The following DPP6 variants were observed in gnomAD, a reference collection of about 807,000 sequenced individuals.
DPP6 encodes the protein A-type potassium channel modulatory protein DPP6.
A neutral mutation model predicts 122.6 loss-of-function variants in DPP6; 69 were observed. The ratio of observed to expected loss-of-function variants is 0.56; its 90% confidence interval spans 0.46 to 0.69. The LOEUF (loss-of-function observed/expected upper bound fraction) is 0.69, where lower values mean the gene tolerates loss of function less well. DPP6 is among the 30% of genes least tolerant of loss of function. The pLI, the probability that DPP6 is intolerant of heterozygous loss-of-function variation, is 0.00. For synonymous variants in DPP6, 418 were observed against 433.1 expected (o/e 0.97, Z 0.43); for missense variants, 928 against 1,116.9 (o/e 0.83, Z 2.41).
At chr7:153,997,615 A>ACACC (rs746274212) in intron 1 of DPP6, among the ~76,000 whole-genome samples, 1 of 149,390 alleles carries the variant, frequency 6.7e-6, no homozygotes, top group Admixed American at 6.7e-5. Flanking sequence ...ACACACACAC[A>ACACC]CCTGTTTTGT....
At chr7:154,564,627 G>T (rs1295926588) in intron 4 of DPP6, among the ~76,000 whole-genome samples, 1 of 152,140 alleles carries the variant, frequency 6.6e-6, no homozygotes, top group African/African-American at 2.4e-5. Flanking sequence ...TATCAACAAA[G>T]ACATAGATTG....
At chr7:154,627,975 C>A (rs1039129492) in intron 5 of DPP6, among the ~76,000 whole-genome samples, 1 of 152,194 alleles carries the variant, frequency 6.6e-6, no homozygotes, top group Non-Finnish European at 1.5e-5. Context: ...ATGGTTCAGG[C>A]AGCTGTAGCC....
intron 5 of DPP6, 55 bp from the exon 6 acceptor site, chr7:154,637,766 C>A: frequency 6.6e-7 from 1 of 1,512,670 alleles, no homozygotes; most frequent in East Asian, 2.5e-5. Context: ...TGAAAAATAT[C>A]ATCGTAACAG....
rs1254833898 is a variant in DPP6 at position 154,061,813 on chromosome 7, C to T, written c.243+8750C>T. On this transcript the variant is annotated intron_variant, in intron 1 of 25. Transcript: ENST00000377770. ...CCCCTCGCGACGCGGGGACTGAGAG[C>T]GAGCCCCTCTTCCCCCCTTTGCTCT... is the stretch of plus-strand genomic sequence containing the variant. Among the ~76,000 whole-genome samples, 414 of 120,346 alleles carry T rather than the reference C, an allele frequency of 3.4e-3. 2 individuals are homozygous for T. Among genetic ancestry groups the T allele is most frequent in the South Asian group, 4.9e-3 (17 of 3,444 alleles). 79.0% of individuals were successfully genotyped at this position (120,346 alleles called of 152,430 possible).
intron 1 of DPP6, among the ~76,000 whole-genome samples, chr7:154,216,840 T>G (rs1386242438): frequency 6.6e-4 from 99 of 150,988 alleles, no homozygotes; most frequent in African/African-American, 1.8e-3. Flanking sequence ...GTTGTTTTTT[T>G]TTTTTTTTTT....
chr7:154,481,629 C>T lies in DPP6; in HGVS notation c.457+6592C>T, dbSNP rs1675604677. Among the ~76,000 whole-genome samples the T allele has an allele frequency of 6.6e-6, 1 of 152,120 alleles. No individual in the cohort carries two copies. The highest frequency in any genetic ancestry group is 6.5e-5 in the Admixed American group (1 of 15,274). ...TCTTAAACTTTGCCTACGTGAACTT[C>T]TTTGGATTGCTTCAGAAGTCCATCT... is the stretch of plus-strand genomic sequence containing the variant. On this transcript the variant is annotated intron_variant, in intron 3 of 25. Transcript: ENST00000377770. The surrounding 1 kb of genome is among the most constrained non-coding windows in gnomAD (Gnocchi z 4.2).
chr7:154,546,093 G>T (rs1170964076), intron 4 of DPP6, among the ~76,000 whole-genome samples: 1 of 151,878 alleles, frequency 6.6e-6, no homozygotes, highest in Admixed American at 6.6e-5. Context: ...TTGAAACTAG[G>T]AAAATGAGAT....
chr7:153,819,174 G>T, the DPP6 span, among the ~76,000 whole-genome samples: 3 of 125,098 alleles, frequency 2.4e-5, no homozygotes, highest in Non-Finnish European at 4.8e-5. Flanking sequence ...TTGTTGTACA[G>T]ATTATTTTAT....
rs571947727 is a variant in DPP6, at chr7:154,487,032, A to G, written c.457+11995A>G. Among the ~76,000 whole-genome samples, 3 of 152,346 alleles carry G rather than the reference A, an allele frequency of 2.0e-5. No homozygotes were observed. The East Asian group carries it at 5.8e-4, about 29-fold the overall frequency. Reference sequence around the variant, plus strand: ...AACGTTGCATCCCTGGGAAATTTAAATACAACTTCCATCTTTGTTGACTCC... The same window carrying G: ...AACGTTGCATCCCTGGGAAATTTAAGTACAACTTCCATCTTTGTTGACTCC... On this transcript the variant is annotated intron_variant, in intron 3 of 25. Coordinates refer to ENST00000377770, the MANE Select transcript of DPP6 (RefSeq NM_130797.4).
At chr7:154,876,239 T>G (rs1202395755) in intron 20 of DPP6, 139 bp downstream of exon 20, 2 of 1,306,250 alleles carry the variant, frequency 1.5e-6, no homozygotes, top group Admixed American at 7.1e-5. Context: ...TAAAATCTCT[T>G]GGCCATTCCA....
intron 1 of DPP6, among the ~76,000 whole-genome samples, chr7:154,345,729 A>G (rs1810340642): frequency 1.3e-5 from 2 of 152,088 alleles, no homozygotes; most frequent in African/African-American, 4.8e-5. Flanking sequence ...ATATGCATCC[A>G]TAAAGGCCAC....
At chr7:154,869,087 C>G (rs73728621) in intron 18 of DPP6, among the ~76,000 whole-genome samples, 11,673 of 152,142 alleles carry the variant, frequency 0.077, 1,453 homozygotes, top group African/African-American at 0.26. Context: ...CAGAGCTCGG[C>G]GGAAAGCGTG....
chr7:153,934,010 C>T (rs1801305084), intron 1 of DPP6, among the ~76,000 whole-genome samples: 1 of 152,198 alleles, frequency 6.6e-6, no homozygotes, highest in African/African-American at 2.4e-5. Context: ...TGAGGGACAA[C>T]CATGTGTTTG....
chr7:154,835,557 A>G (rs1161758154), intron 16 of DPP6, among the ~76,000 whole-genome samples: 3 of 152,120 alleles, frequency 2.0e-5, no homozygotes, highest in East Asian at 1.9e-4. Flanking sequence ...TTAAATCACT[A>G]CCTTGGAGCA....
rs572679995 is a variant in DPP6 at position 154,711,262 on chromosome 7, T to A, written c.763-16505T>A. 3.3e-5 allele frequency among the ~76,000 whole-genome samples: 5 copies of A among 152,326 alleles called. No individual in the cohort carries two copies. In the South Asian group the frequency reaches 1.0e-3, roughly 32 times the overall value. On this transcript the variant is annotated intron_variant, in intron 7 of 25. Transcript: ENST00000377770. Reference sequence around the variant, plus strand: ...TAATTTCCTTTCCATGATAAATAGTTTTCCCTAGTCTGGGCATGGTGGCCC... The same window carrying A: ...TAATTTCCTTTCCATGATAAATAGTATTCCCTAGTCTGGGCATGGTGGCCC...
At chr7:153,891,301 C>T (rs929907372) in intron 1 of DPP6, among the ~76,000 whole-genome samples, 12 of 151,462 alleles carry the variant, frequency 7.9e-5, no homozygotes, top group Non-Finnish European at 7.4e-5. Context: ...GGATTACAGG[C>T]GTGAGCCACC....
intron 11 of DPP6, among the ~76,000 whole-genome samples, chr7:154,795,579 C>T (rs958074684): frequency 1.3e-5 from 2 of 152,114 alleles, no homozygotes; most frequent in Non-Finnish European, 2.9e-5. Context: ...TTTTCCACCA[C>T]GGGTTTGTCC....
chr7:154,509,116 A>G (rs747339244), intron 3 of DPP6, among the ~76,000 whole-genome samples: 15 of 152,186 alleles, frequency 9.9e-5, no homozygotes, highest in Non-Finnish European at 2.1e-4. Context: ...ACAACAAAAG[A>G]AAAAATAGAT....
intron 3 of DPP6, 140 bp downstream of exon 3, chr7:154,475,177 A>G (rs1251622304): frequency 1.4e-6 from 1 of 708,222 alleles, no homozygotes; most frequent in Admixed American, 2.0e-5. Flanking sequence ...TGCTGTAGTC[A>G]TCATCAGATT....
Sources: gnomAD v4.1 joint callset for allele counts (sites outside exome capture counted in the v4.1 genomes callset) on GRCh38, gnomAD v4.1.1 for gene constraint, Gnocchi (gnomAD v3.1) non-coding constraint, MANE v1.5 for transcripts, NCBI Gene and HGNC (gene_info 2026-07-23, HGNC 2026-07-21) for gene names.